The following GCM2 variants were observed in gnomAD, a reference collection of about 807,000 sequenced individuals.
GCM2 encodes the protein GCM transcription factor 2.
GCM2 carries 21 observed loss-of-function variants against 24.8 expected under a neutral mutation model. The ratio of observed to expected loss-of-function variants is 0.85; its 90% CI spans 0.60 to 1.22. The LOEUF (loss-of-function observed/expected upper bound fraction) is 1.22. Among genes scored for constraint, GCM2 ranks in the 50% most tolerant of loss-of-function variants. GCM2 has a pLI of 0.00. For missense variants in GCM2, 532 were observed against 645.6 expected, an observed-to-expected ratio of 0.82 and a Z score of 1.91; for synonymous variants, 222 against 238.0, an observed-to-expected ratio of 0.93 and a Z score of 0.62.
chr6:10,877,463 C>A, intron 1 of GCM2, 71 bp from the exon 2 acceptor site: 1 of 1,524,206 alleles, frequency 6.6e-7, no homozygotes, highest in Non-Finnish European at 9.1e-7. Context: ...TCTAAAATTT[C>A]TCTGAGCACA....
Position 10,875,928 on chromosome 6 carries a change from A to G in GCM2, c.545T>C (p.Phe182Ser), listed in dbSNP as rs547159903. ...AATTCTCTTTTTCTGGGGTTGGTAG[A>G]AAGAGGCCATTTGTCTCTTGATGGC... ...RSAIKRQMAS[F>S]YQPQKKRIRE... Residue 182 changes from phenylalanine (F) to serine (S), a missense_variant, in exon 4 of 5, where the codon TTC becomes TCC. Phe to Ser is a radical substitution (Grantham distance 155, BLOSUM62 -2). Transcript: ENST00000379491. 6.8e-6 allele frequency: 11 copies of G among 1,614,024 alleles called. No individual in the cohort carries two copies. The highest frequency in any genetic ancestry group is 1.6e-4 in the Middle Eastern group (1 of 6,062).
chr6:10,881,554 A>ATG (rs35911329), intron 1 of GCM2, 150 bp downstream of exon 1: 7,852 of 429,678 alleles, frequency 0.018, 97 homozygotes, highest in African/African-American at 0.035. Context: ...TTTTGCGGGT[A>ATG]TGTGTGTGTG....
intron 3 of GCM2, 65 bp from the exon 4 acceptor site, chr6:10,876,081 A>G: frequency 6.5e-7 from 1 of 1,535,398 alleles, no homozygotes; most frequent in South Asian, 1.1e-5. Flanking sequence ...TGTTGCCCAA[A>G]AATTGATCAT....
chr6:10,875,612 C>G (rs1261060729), intron 4 of GCM2, among the ~76,000 whole-genome samples: 1 of 152,210 alleles, frequency 6.6e-6, no homozygotes, highest in Non-Finnish European at 1.5e-5. Context: ...ATCTTTATTA[C>G]TGTTGCATAA....
chr6:10,878,878 G>A (rs1581806783), intron 1 of GCM2, among the ~76,000 whole-genome samples: 1 of 152,176 alleles, frequency 6.6e-6, no homozygotes, highest in South Asian at 2.1e-4. Context: ...CTTTGCTGGT[G>A]TAATAAAGGC....
chr6:10,874,782 C>T lies in GCM2; in HGVS notation c.734G>A (p.Cys245Tyr). 6.2e-7 allele frequency: 1 copy of T among 1,613,734 alleles called. No individual in the cohort carries two copies. The highest frequency in any genetic ancestry group is 8.5e-7 in the Non-Finnish European group (1 of 1,179,834). The change falls in exon 5 of 5, where the codon TGT becomes TAT. Residue 245 changes from cysteine to tyrosine, a missense_variant. Cys to Tyr is a radical substitution (Grantham distance 194). Coordinates refer to ENST00000379491, the MANE Select transcript of GCM2 (RefSeq NM_004752.4). ...GTCTCCTTGAAAGGTGGCTAGGTCACAGGTAGCTTTGTAAACATCAGACTT... is the reference window on the plus strand; with the variant it reads ...GTCTCCTTGAAAGGTGGCTAGGTCATAGGTAGCTTTGTAAACATCAGACTT... ...FPKSDVYKAT[C>Y]DLATFQGDKM...
At chr6:10,881,481 A>G (rs927611775) in intron 1 of GCM2, among the ~76,000 whole-genome samples, 1 of 150,552 alleles carries the variant, frequency 6.6e-6, no homozygotes, top group Admixed American at 6.6e-5. Context: ...TCTAAACCCA[A>G]CTCAGCCTTT....
In GCM2 at chr6:10,874,214, C is replaced by A. The variant is rs770275682; in HGVS notation, c.1302G>T (p.Val434=). ...AAGGAGAGGCTGCCCTGGTGACTGTCACCGGAGGACCCCAGGGTTCTGGAT... is the reference window on the plus strand; with the variant it reads ...AAGGAGAGGCTGCCCTGGTGACTGTAACCGGAGGACCCCAGGGTTCTGGAT... The part of the protein sequence containing the change: ...SVYPEPWGPP[V]TVTRAASPSG... Residue 434 remains valine, a synonymous_variant, in exon 5 of 5, where the codon GTG becomes GTT. Transcript: ENST00000379491. 1.9e-6 allele frequency: 3 copies of A among 1,614,154 alleles called. No individual in the cohort carries two copies. Among genetic ancestry groups the A allele is most frequent in the Admixed American group, 1.7e-5 (1 of 60,020 alleles).
rs16870746 is a variant in GCM2 at position 10,881,837 on chromosome 6, A to G, written c.-44T>C. ...CTTTCCGCCCAGGGTTCTGAAAAAT[A>G]GAAGAAAAAAGGACAGGTGCGCCAG... On this transcript the variant is annotated 5_prime_UTR_variant, in exon 1 of 5. Coordinates refer to ENST00000379491, the MANE Select transcript of GCM2 (RefSeq NM_004752.4). The G allele has an allele frequency of 0.087, 131,643 of 1,516,650 alleles. 10,459 individuals carry two copies. Among genetic ancestry groups the G allele is most frequent in the African/African-American group, 0.41 (30,070 of 73,512 alleles). The allele number at this position is 1,516,650 out of a possible 1,614,324, so 93.9% of individuals were successfully genotyped here.
Position 10,873,356 on chromosome 6 carries a change from G to A in GCM2, c.*639C>T, listed in dbSNP as rs551025129. 2.1e-4 allele frequency: 32 copies of A among 154,124 alleles called. No individual in the cohort carries two copies. The highest frequency in any genetic ancestry group is 4.3e-4 in the Non-Finnish European group (30 of 69,264). The allele number at this position is 154,124 out of a possible 1,614,324, so 9.5% of individuals were successfully genotyped here. On this transcript the variant is annotated 3_prime_UTR_variant, in exon 5 of 5. Transcript: ENST00000379491. ...TCTGTTATGGAAACTATCATGTTAT[G>A]AAAAGGTTATGAAAAGGTTAGGAAA...
chr6:10,873,741 G>C lies in GCM2; in HGVS notation c.*254C>G, dbSNP rs1230294606. ...TTAACCTCCTACAGTTTGCTTATTT[G>C]TTCATTTGAGAGACTCACACTTTCC... On this transcript the variant is annotated 3_prime_UTR_variant, in exon 5 of 5. Transcript: ENST00000379491. The C allele has an allele frequency of 1.7e-5, 9 of 525,810 alleles. No homozygotes were observed. In the East Asian group the frequency reaches 3.2e-4, roughly 18 times the overall value. 32.6% of individuals were successfully genotyped at this position (525,810 alleles called of 1,614,324 possible). A position where few individuals can be genotyped will look rare whatever the true frequency, so the allele number is the denominator to read the frequency against.
chr6:10,875,414 G>A lies in GCM2; in HGVS notation c.582+477C>T, dbSNP rs555834662. ...TCTTAGACCAGTGCCTGGCACATAG[G>A]AAGTGCTGGAAAATGTCAGCTTCTG... On this transcript the variant is annotated intron_variant, in intron 4 of 4. Transcript: ENST00000379491. 1.8e-3 allele frequency among the ~76,000 whole-genome samples: 275 copies of A among 152,304 alleles called. 3 individuals carry two copies. The highest frequency in any genetic ancestry group is 6.8e-3 in the Middle Eastern group (2 of 294).
At chr6:10,879,311 T>C (rs1273718718) in intron 1 of GCM2, among the ~76,000 whole-genome samples, 1 of 152,194 alleles carries the variant, frequency 6.6e-6, no homozygotes, top group East Asian at 1.9e-4. Flanking sequence ...TTTCTTTAGC[T>C]CTCCCTTAAG....
Position 10,874,178 on chromosome 6 carries a change from A to T in GCM2, c.1338T>A (p.Pro446=). 1 of 1,614,170 alleles carries T rather than the reference A, an allele frequency of 6.2e-7. No individual in the cohort carries two copies. The highest frequency in any genetic ancestry group is 8.5e-7 in the Non-Finnish European group (1 of 1,180,014). Residue 446 remains proline, a synonymous_variant, in exon 5 of 5, where the codon CCT becomes CCA. Transcript: ENST00000379491. ...GGCAATCTCCTGCAATTTTCATAGGAGGTGGCCCTGAAGGAGAGGCTGCCC... is the reference window on the plus strand; with the variant it reads ...GGCAATCTCCTGCAATTTTCATAGGTGGTGGCCCTGAAGGAGAGGCTGCCC... ...VTRAASPSGP[P]PMKIAGDCRA... is the part of the protein sequence containing the mutation.
intron 1 of GCM2, among the ~76,000 whole-genome samples, chr6:10,879,906 T>C (rs1779934953): frequency 6.6e-6 from 1 of 152,192 alleles, no homozygotes; most frequent in African/African-American, 2.4e-5. Context: ...CTTGCTGTAC[T>C]GTGGTCCACT....
At position 10,875,972 on chromosome 6, in the gene GCM2, C is replaced by T; in HGVS notation, c.501G>A (p.Glu167=). ...HDHPRPESKS[E]TEARRSAIKR... is the part of the protein sequence containing the mutation. ...TGATGGCGCTTCTTCTAGCTTCTGT[C>T]TCTGATTTGCTCTCTGGTCTTGGAT... The change falls in exon 4 of 5, where the codon GAG becomes GAA. Residue 167 remains glutamate, a synonymous_variant. Transcript: ENST00000379491. 1.2e-6 allele frequency: 2 copies of T among 1,613,782 alleles called. No homozygotes were observed. The highest frequency in any genetic ancestry group is 1.7e-6 in the Non-Finnish European group (2 of 1,179,690).
At chr6:10,881,573 TGTGTGTGTGTGTGTGTGTGTGTG>T in intron 1 of GCM2, 108 bp downstream of exon 1, 2 of 444,754 alleles carry the variant, frequency 4.5e-6, no homozygotes, top group Non-Finnish European at 8.2e-6. Flanking sequence ...TGTGTGTGTG[TGTGTGTGTGTGTGTGTGTGTGTG>T]TGTGTGTGTG....
In GCM2 at chr6:10,876,487, T is replaced by A; in HGVS notation, c.414A>T (p.Val138=). Residue 138 remains valine, a synonymous_variant, in exon 3 of 5, where the codon GTA becomes GTT. Transcript: ENST00000379491. ...TGCCATCAAGCCGCCAAAAGTTGGTTACGGGGTATCCGCTGTGCCCTCGAC... is the reference window on the plus strand; with the variant it reads ...TGCCATCAAGCCGCCAAAAGTTGGTAACGGGGTATCCGCTGTGCCCTCGAC... ...IPCRGHSGYP[V]TNFWRLDGNA... 1 of 1,614,108 alleles carries A rather than the reference T, an allele frequency of 6.2e-7. No homozygotes were observed. The highest frequency in any genetic ancestry group is 8.5e-7 in the Non-Finnish European group (1 of 1,179,956).
chr6:10,877,478 G>T, intron 1 of GCM2, 86 bp from the exon 2 acceptor site: 1 of 1,402,492 alleles, frequency 7.1e-7, no homozygotes, highest in Non-Finnish European at 1.0e-6. Context: ...AGCACATTAG[G>T]ATACAAACCA....
Sources: gnomAD v4.1 joint callset for allele counts (sites outside exome capture counted in the v4.1 genomes callset) on GRCh38, gnomAD v4.1.1 for gene constraint, MANE v1.5 for transcripts, NCBI Gene and HGNC (gene_info 2026-07-23, HGNC 2026-07-21) for gene names.